Variants in HS6ST1 observed in about 807,000 individuals in gnomAD.
HS6ST1 encodes the protein heparan-sulfate 6-O-sulfotransferase 1.
Under a neutral mutation model 25.2 loss-of-function variants are expected in HS6ST1, and 3 were observed. The observed-to-expected ratio is 0.12, with a 90% confidence interval of 0.05 to 0.31. The LOEUF (loss-of-function observed/expected upper bound fraction) is 0.31. Among genes scored for constraint, HS6ST1 ranks in the 10% least tolerant of loss-of-function variants. HS6ST1 has a pLI of 1.00. For missense variants in HS6ST1, 310 were observed against 609.6 expected (o/e 0.51, Z 5.18); for synonymous variants, 204 against 275.1 (o/e 0.74, Z 2.56).
In HS6ST1 at chr2:128,268,086, T is replaced by A; in HGVS notation, c.*76A>T. On this transcript the variant is annotated 3_prime_UTR_variant, in exon 2 of 2. Transcript: ENST00000259241. ...GTTTGGGATGCTCATCCCTTGACAG[T>A]CTTGGGTGGACCTGTCGTCTGTCCT... 2 of 1,039,948 alleles carry A rather than the reference T, an allele frequency of 1.9e-6. No homozygotes were observed. 64.4% of individuals were successfully genotyped at this position (1,039,948 alleles called of 1,614,324 possible). A position where few individuals can be genotyped will look rare whatever the true frequency, so the allele number is the denominator to read the frequency against.
Position 128,268,457 on chromosome 2 carries a change from C to T in HS6ST1, c.941G>A (p.Arg314Gln), listed in dbSNP as rs549061344. ...CGTGCTATTGTACTGCATGAAGGGCCGGATGAACTTGAGGTTGAACGTCCG... is the reference window on the plus strand; with the variant it reads ...CGTGCTATTGTACTGCATGAAGGGCTGGATGAACTTGAGGTTGAACGTCCG... ...FERTFNLKFIRPFMQYNSTRA... is the reference protein window; with the variant it reads ...FERTFNLKFIQPFMQYNSTRA... Residue 314 changes from arginine to glutamine, a missense_variant, in exon 2 of 2, where the codon CGG becomes CAG. Coordinates refer to ENST00000259241, the MANE Select transcript of HS6ST1 (RefSeq NM_004807.3). The T allele has an allele frequency of 4.9e-5, 79 of 1,613,474 alleles. No homozygotes were observed. In the African/African-American group the frequency reaches 5.5e-4, roughly 11 times the overall value.
chr2:128,277,884 A>C (rs901085514), intron 1 of HS6ST1, among the ~76,000 whole-genome samples: 2 of 152,278 alleles, frequency 1.3e-5, no homozygotes, highest in African/African-American at 4.8e-5. Flanking sequence ...GCACTTCGGC[A>C]TTTAATTATG....
intron 1 of HS6ST1, among the ~76,000 whole-genome samples, chr2:128,310,334 C>T (rs1441974901): frequency 2.6e-5 from 4 of 152,222 alleles, no homozygotes; most frequent in Non-Finnish European, 4.4e-5. Context: ...CAGCCCCAGC[C>T]CCAGACCACA....
At chr2:128,314,214 A>G (rs1694330243) in intron 1 of HS6ST1, among the ~76,000 whole-genome samples, 1 of 152,024 alleles carries the variant, frequency 6.6e-6, no homozygotes, top group Admixed American at 6.5e-5. Context: ...CACAGAAACG[A>G]AGGCTCTCAT....
At position 128,285,994 on chromosome 2, in the gene HS6ST1, G is replaced by A. The variant is rs369680379; in HGVS notation, c.528-17124C>T. On this transcript the variant is annotated intron_variant, in intron 1 of 1. Coordinates refer to ENST00000259241, the MANE Select transcript of HS6ST1 (RefSeq NM_004807.3). ...TCCTGCTCTGCCAGCTGTCCTGTGT[G>A]GCCTGGGGACAGTCACCCTGGCCCC... Among the ~76,000 whole-genome samples the A allele has an allele frequency of 5.3e-5, 8 of 152,336 alleles. No homozygotes were observed. In the East Asian group the frequency reaches 1.3e-3, roughly 26 times the overall value.
At position 128,266,674 on chromosome 2, in the gene HS6ST1, C is replaced by A. The variant is rs1342779309; in HGVS notation, c.*1488G>T. On this transcript the variant is annotated 3_prime_UTR_variant, in exon 2 of 2. Transcript: ENST00000259241. ...GAGAGAGGACCCCCACCAACCCCAG[C>A]CAGGTGGCCTGCAGAGCCCACTGCC... 2 of 152,350 alleles carry A rather than the reference C, an allele frequency of 1.3e-5. No individual in the cohort carries two copies. The highest frequency in any genetic ancestry group is 2.9e-5 in the Non-Finnish European group (2 of 68,160). 9.4% of individuals were successfully genotyped at this position (152,350 alleles called of 1,614,324 possible).
rs1693563988 is a variant in HS6ST1, at chr2:128,268,632, C to T, written c.766G>A (p.Asp256Asn). 6.2e-7 allele frequency: 1 copy of T among 1,608,158 alleles called. No individual in the cohort carries two copies. Among genetic ancestry groups the T allele is most frequent in the African/African-American group, 1.3e-5 (1 of 74,774 alleles). The change falls in exon 2 of 2, where the codon GAC becomes AAC. Residue 256 changes from aspartate (D) to asparagine (N), a missense_variant. Physicochemically the swap from Asp to Asn is conservative, Grantham distance 23. Around this residue, in one of 5 missense-constraint regions of HS6ST1, gnomAD observed 98 missense variants for 270.3 expected, o/e 0.36. Coordinates refer to ENST00000259241, the MANE Select transcript of HS6ST1 (RefSeq NM_004807.3). ...ANNRQVRMLA[D>N]LSLVGCYNLS... ...TTGTAGCAGCCCACCAGGCTCAGGT[C>T]GGCCAGCATGCGCACCTGGCGGTTG...
chr2:128,278,874 T>C (rs565077912), intron 1 of HS6ST1, among the ~76,000 whole-genome samples: 1 of 152,328 alleles, frequency 6.6e-6, no homozygotes, highest in Admixed American at 6.5e-5. Flanking sequence ...TGACAGGAGT[T>C]GAGAGTTCGG....
At chr2:128,295,386 C>T (rs1694027115) in intron 1 of HS6ST1, among the ~76,000 whole-genome samples, 1 of 152,222 alleles carries the variant, frequency 6.6e-6, no homozygotes, top group Admixed American at 6.5e-5. Flanking sequence ...CCTGGGTGTC[C>T]ACACCCTTGA....
chr2:128,290,510 C>T (rs1693935067), intron 1 of HS6ST1, among the ~76,000 whole-genome samples: 1 of 152,152 alleles, frequency 6.6e-6, no homozygotes, highest in Non-Finnish European at 1.5e-5. Context: ...AAAGATATTA[C>T]ACTACGACCA....
chr2:128,310,259 A>T (rs1406515866), intron 1 of HS6ST1, among the ~76,000 whole-genome samples: 1 of 152,160 alleles, frequency 6.6e-6, no homozygotes, highest in Admixed American at 6.5e-5. Flanking sequence ...AGACCTCCCG[A>T]GGTGGCCCCG....
intron 1 of HS6ST1, among the ~76,000 whole-genome samples, chr2:128,290,959 G>T (rs1693943017): frequency 6.6e-6 from 1 of 152,086 alleles, no homozygotes; most frequent in African/African-American, 2.4e-5. Context: ...TCCAGCCTGG[G>T]CAAAAGAGTG....
At position 128,318,019 on chromosome 2, in the gene HS6ST1, C is replaced by T. The variant is rs1479295276; in HGVS notation, c.527+18G>A. ...CGGGGGCGCAGCTGCGCGAGGATCC[C>T]GCCGCCCGGGCGCTCACCTGGGCGT... On this transcript the variant is annotated intron_variant, in intron 1 of 1. Coordinates refer to ENST00000259241, the MANE Select transcript of HS6ST1 (RefSeq NM_004807.3). The surrounding 1 kb of genome is among the most constrained non-coding windows in gnomAD (Gnocchi z 5.7). 4 of 1,453,662 alleles carry T rather than the reference C, an allele frequency of 2.8e-6. No individual in the cohort carries two copies. The highest frequency in any genetic ancestry group is 1.5e-5 in the African/African-American group (1 of 66,980). 90.0% of individuals were successfully genotyped at this position (1,453,662 alleles called of 1,614,324 possible).
chr2:128,299,197 C>G (rs1441650938), intron 1 of HS6ST1, among the ~76,000 whole-genome samples: 3 of 152,254 alleles, frequency 2.0e-5, no homozygotes, highest in Non-Finnish European at 2.9e-5. Context: ...AGAGAGCACA[C>G]AGCTCCCTCC....
chr2:128,271,222 G>A (rs1282743985), intron 1 of HS6ST1, among the ~76,000 whole-genome samples: 1 of 152,236 alleles, frequency 6.6e-6, no homozygotes. Context: ...GCATGCAAGG[G>A]CTTGGCACCC....
intron 1 of HS6ST1, among the ~76,000 whole-genome samples, chr2:128,295,874 T>A (rs1043947645): frequency 5.3e-5 from 8 of 152,220 alleles, no homozygotes; most frequent in Non-Finnish European, 1.2e-4. Flanking sequence ...CTCAGTGTAA[T>A]AAAGGCCATT....
chr2:128,269,424 G>A (rs1693576523), intron 1 of HS6ST1, among the ~76,000 whole-genome samples: 2 of 152,152 alleles, frequency 1.3e-5, no homozygotes, highest in East Asian at 3.9e-4. Flanking sequence ...TTGCTGGGTT[G>A]TCCCCCAAGA....
chr2:128,304,272 C>T lies in HS6ST1; in HGVS notation c.527+13765G>A, dbSNP rs192841788. Among the ~76,000 whole-genome samples, 188 of 152,338 alleles carry T rather than the reference C, an allele frequency of 1.2e-3. 1 individual carries two copies. The highest frequency in any genetic ancestry group is 4.3e-3 in the African/African-American group (179 of 41,580). On this transcript the variant is annotated intron_variant, in intron 1 of 1. Coordinates refer to ENST00000259241, the MANE Select transcript of HS6ST1 (RefSeq NM_004807.3). ...GAACCCTAATATAGCTCCCCCTCCC[C>T]GACCCCTACGCTGGGGGATGCTGCC...
intron 1 of HS6ST1, among the ~76,000 whole-genome samples, chr2:128,291,277 G>A (rs560904241): frequency 4.3e-4 from 65 of 152,382 alleles, no homozygotes; most frequent in Non-Finnish European, 7.3e-4. Context: ...TCAGACAGCC[G>A]GAGTCCCGGC....
Sources: allele counts gnomAD v4.1 joint callset (sites outside exome capture counted in the v4.1 genomes callset), GRCh38; gene constraint gnomAD v4.1.1; regional missense constraint gnomAD v4.1.1; non-coding constraint Gnocchi (gnomAD v3.1); transcripts MANE v1.5; gene names NCBI Gene and HGNC (gene_info 2026-07-23, HGNC 2026-07-21).